ITSN1: variants seen among roughly 807,000 people sequenced by gnomAD.
ITSN1 encodes intersectin-1.
In ITSN1, 58 loss-of-function variants were observed where a neutral mutation model predicts 239.8. The observed-to-expected ratio is 0.24, with a 90% CI of 0.20 to 0.30. The LOEUF (loss-of-function observed/expected upper bound fraction) is 0.30. Among genes scored for constraint, ITSN1 ranks in the 10% least tolerant of loss-of-function variants. ITSN1 has a pLI of 1.00. For synonymous variants in ITSN1, 780 were observed against 770.8 expected (o/e 1.01, Z -0.20); for missense variants, 1,558 against 2,103.3 (o/e 0.74, Z 5.07).
chr21:33,798,751 C>CG (rs2071753149), intron 18 of ITSN1, among the ~76,000 whole-genome samples: 1 of 152,106 alleles, frequency 6.6e-6, no homozygotes, highest in African/African-American at 2.4e-5. Context: ...CAGAGATGGG[C>CG]GTGAGGTATG....
intron 38 of ITSN1, among the ~76,000 whole-genome samples, chr21:33,886,052 T>C (rs573231465): frequency 6.6e-6 from 1 of 151,656 alleles, no homozygotes; most frequent in Non-Finnish European, 1.5e-5. Flanking sequence ...ACTAAAAATA[T>C]AAAAAATTAG....
Position 33,781,440 on chromosome 21 carries a change from AT to A in ITSN1, c.1597-17del. The A allele has an allele frequency of 7.2e-7, 1 of 1,391,452 alleles. No homozygotes were observed. Among genetic ancestry groups the A allele is most frequent in the Non-Finnish European group, 1.0e-6 (1 of 982,134 alleles). 86.2% of individuals were successfully genotyped at this position (1,391,452 alleles called of 1,614,324 possible). A position where few individuals can be genotyped will look rare whatever the true frequency, so the allele number is the denominator to read the frequency against. On this transcript the variant is annotated intron_variant, in intron 14 of 39. Coordinates refer to ENST00000381318, the MANE Select transcript of ITSN1 (RefSeq NM_003024.3). ...GTAGCCTTCCCTGTCATTCATTACTATTTTCCTCCTTCCTTCCCAGGAATCT... is the reference window on the plus strand; with the variant it reads ...GTAGCCTTCCCTGTCATTCATTACTATTTCCTCCTTCCTTCCCAGGAATCT...
chr21:33,765,941 C>T lies in ITSN1; in HGVS notation c.855C>T (p.Leu285=). The change falls in exon 10 of 40, where the codon CTC becomes CTT. Residue 285 remains leucine, a synonymous_variant. Transcript: ENST00000381318. ...TAEEFILAMH[L]IDVAMSGQPL... ...AGGAATTTATCCTGGCAATGCACCTCATTGATGTAGCTATGTCTGGCCAAC... is the reference window on the plus strand; with the variant it reads ...AGGAATTTATCCTGGCAATGCACCTTATTGATGTAGCTATGTCTGGCCAAC... The T allele has an allele frequency of 6.2e-7, 1 of 1,614,100 alleles. No homozygotes were observed. Among genetic ancestry groups the T allele is most frequent in the Non-Finnish European group, 8.5e-7 (1 of 1,179,942 alleles).
At chr21:33,880,906 C>T (rs895561641) in intron 34 of ITSN1, among the ~76,000 whole-genome samples, 1 of 152,104 alleles carries the variant, frequency 6.6e-6, no homozygotes, top group African/African-American at 2.4e-5. Flanking sequence ...ATCATCTCCA[C>T]CTCAGTGCCC....
At chr21:33,682,728 A>C (rs1368839867) in intron 1 of ITSN1, among the ~76,000 whole-genome samples, 1 of 150,998 alleles carries the variant, frequency 6.6e-6, no homozygotes, top group Non-Finnish European at 1.5e-5. Context: ...GGGTTTCATC[A>C]CATTGGCCAG....
intron 1 of ITSN1, among the ~76,000 whole-genome samples, chr21:33,651,852 T>A (rs890492204): frequency 6.6e-6 from 1 of 152,248 alleles, no homozygotes; most frequent in Non-Finnish European, 1.5e-5. Flanking sequence ...AACCTTACTT[T>A]AATTCTTAGT....
chr21:33,646,354 A>C (rs2087950448), intron 1 of ITSN1, among the ~76,000 whole-genome samples: 1 of 152,224 alleles, frequency 6.6e-6, no homozygotes, highest in African/African-American at 2.4e-5. Context: ...TATCAAACTT[A>C]TATTTGGTAT....
At position 33,855,577 on chromosome 21, in the gene ITSN1, A is replaced by G. The variant is rs935363108; in HGVS notation, c.3662-1159A>G. ...GGCCTGCACATGGGATGCTCCCAAGAACCAAGCCTCCCTCCTGCTCATTCC... is the reference window on the plus strand; with the variant it reads ...GGCCTGCACATGGGATGCTCCCAAGGACCAAGCCTCCCTCCTGCTCATTCC... On this transcript the variant is annotated intron_variant, in intron 29 of 39. Transcript: ENST00000381318. Among the ~76,000 whole-genome samples, 5 of 152,266 alleles carry G rather than the reference A, an allele frequency of 3.3e-5. No homozygotes were observed. In the East Asian group the frequency reaches 9.6e-4, roughly 29 times the overall value.
intron 4 of ITSN1, among the ~76,000 whole-genome samples, chr21:33,731,921 C>T (rs916890499): frequency 2.6e-5 from 4 of 152,042 alleles, no homozygotes; most frequent in African/African-American, 9.7e-5. Context: ...GACCATTTGC[C>T]CAAGGTGGTT....
intron 32 of ITSN1, among the ~76,000 whole-genome samples, chr21:33,866,206 T>C (rs1981545692): frequency 6.6e-6 from 1 of 151,944 alleles, no homozygotes; most frequent in African/African-American, 2.4e-5. Context: ...TCATGTGAGC[T>C]TGTTGTTTCT....
intron 14 of ITSN1, among the ~76,000 whole-genome samples, chr21:33,776,616 A>G (rs1044149788): frequency 1.3e-5 from 2 of 151,934 alleles, no homozygotes; most frequent in South Asian, 4.1e-4. Flanking sequence ...AAGAGTTTGT[A>G]CCATTTTACA....
At position 33,679,698 on chromosome 21, in the gene ITSN1, C is replaced by CTTTTTTT. The variant is rs34301203; in HGVS notation, c.-33+37002_-33+37008dup. Reference sequence around the variant, plus strand: ...TTTTGTGTGTTTTTTGATCCTTATCCTTTTTTTTTTTTTTTTTTTTTTTGA... The same window carrying CTTTTTTT: ...TTTTGTGTGTTTTTTGATCCTTATCCTTTTTTTTTTTTTTTTTTTTTTTTTTTTTTGA... On this transcript the variant is annotated intron_variant, in intron 1 of 39. Transcript: ENST00000381318. Among the ~76,000 whole-genome samples the CTTTTTTT allele has an allele frequency of 2.4e-3, 206 of 86,274 alleles. 2 individuals are homozygous for CTTTTTTT. Among genetic ancestry groups the CTTTTTTT allele is most frequent in the Non-Finnish European group, 2.7e-3 (133 of 48,640 alleles). The allele number at this position is 86,274 out of a possible 152,430, so 56.6% of individuals were successfully genotyped here. A position where few individuals can be genotyped will look rare whatever the true frequency, so the allele number is the denominator to read the frequency against.
At chr21:33,765,737 C>A in intron 9 of ITSN1, 138 bp from the exon 10 acceptor site, 2 of 775,618 alleles carry the variant, frequency 2.6e-6, no homozygotes, top group East Asian at 2.6e-5. Context: ...AAAATAGGTA[C>A]TATTTTGACA....
intron 1 of ITSN1, among the ~76,000 whole-genome samples, chr21:33,713,774 C>T (rs1486150980): frequency 6.7e-6 from 1 of 149,398 alleles, no homozygotes; most frequent in African/African-American, 2.5e-5. Flanking sequence ...CTGTGATTGG[C>T]ATTGGAAAGA....
At position 33,897,133 on chromosome 21, in the gene ITSN1, G is replaced by A. The variant is rs546087861; in HGVS notation, c.*8833G>A. 1 of 152,342 alleles carries A rather than the reference G, an allele frequency of 6.6e-6. No individual in the cohort carries two copies. Among genetic ancestry groups the A allele is most frequent in the East Asian group, 1.9e-4 (1 of 5,192 alleles). 9.4% of individuals were successfully genotyped at this position (152,342 alleles called of 1,614,324 possible). ...TGCTAAACATTCACTGTGACAGAAA[G>A]TAGATATTTTAGCAAGATCTATGTT... On this transcript the variant is annotated 3_prime_UTR_variant, in exon 40 of 40. Coordinates refer to ENST00000381318, the MANE Select transcript of ITSN1 (RefSeq NM_003024.3).
Position 33,792,923 on chromosome 21 carries a change from CCTT to C in ITSN1, c.1825-1412_1825-1410del, listed in dbSNP as rs573876605. The stretch of plus-strand genomic sequence containing the variant: ...CCTTCCTTTCCTTTTTTCCTTCTTC[CCTT>C]CTTCTCCATTTTCCCCTTCCCCTTT... On this transcript the variant is annotated intron_variant, in intron 16 of 39. Coordinates refer to ENST00000381318, the MANE Select transcript of ITSN1 (RefSeq NM_003024.3). 9.9e-5 allele frequency among the ~76,000 whole-genome samples: 15 copies of C among 151,568 alleles called. 1 individual carries two copies. In the East Asian group the frequency reaches 2.5e-3, roughly 25 times the overall value.
chr21:33,645,924 G>A (rs996014690), intron 1 of ITSN1, among the ~76,000 whole-genome samples: 12 of 152,282 alleles, frequency 7.9e-5, no homozygotes, highest in East Asian at 1.9e-4. Flanking sequence ...CTGTGATTGC[G>A]TAATTTTACC....
At position 33,887,602 on chromosome 21, in the gene ITSN1, T is replaced by TA. The variant is rs201866306; in HGVS notation, c.5018-550_5018-549insA. Among the ~76,000 whole-genome samples the TA allele has an allele frequency of 3.9e-4, 59 of 152,012 alleles. 2 individuals are homozygous for TA. Among genetic ancestry groups the TA allele is most frequent in the Admixed American group, 5.2e-4 (8 of 15,270 alleles). ...CTTCTAATTCTTTTTTCTTTTTATT[T>TA]TTTTTATTTATTTATCTTTTTTCTT... On this transcript the variant is annotated intron_variant, in intron 39 of 39. Transcript: ENST00000381318.
At chr21:33,859,746 G>A (rs1047387661) in intron 31 of ITSN1, among the ~76,000 whole-genome samples, 5 of 152,192 alleles carry the variant, frequency 3.3e-5, no homozygotes, top group Non-Finnish European at 7.3e-5. Context: ...ATGGAGGGAT[G>A]GAGAGGAGGT....
Sources: allele counts gnomAD v4.1 joint callset (sites outside exome capture counted in the v4.1 genomes callset), GRCh38; gene constraint gnomAD v4.1.1; transcripts MANE v1.5; gene names NCBI Gene and HGNC (gene_info 2026-07-23, HGNC 2026-07-21).